The following NR1H4 variants were observed in gnomAD, a reference collection of about 807,000 sequenced individuals.
NR1H4 encodes the protein nuclear receptor subfamily 1 group H member 4.
NR1H4 carries 23 observed loss-of-function variants against 58.5 expected under a neutral mutation model. The ratio of observed to expected loss-of-function variants is 0.39; its 90% CI spans 0.28 to 0.56. NR1H4 has a LOEUF of 0.56. Among genes scored for constraint, NR1H4 ranks in the 20% least tolerant of loss-of-function variants. The probability of loss-of-function intolerance (pLI) is 0.58; values close to 1 mark genes in which losing one functional copy is unlikely to be tolerated. For missense variants in NR1H4, 487 were observed against 576.9 expected (o/e 0.84, Z 1.60); for synonymous variants, 214 against 198.0 (o/e 1.08, Z -0.68).
intron 3 of NR1H4, among the ~76,000 whole-genome samples, chr12:100,506,042 C>CACAGAG (rs1491443606): frequency 6.0e-5 from 7 of 117,514 alleles, no homozygotes; most frequent in African/African-American, 2.1e-4. Flanking sequence ...CACACACACA[C>CACAGAG]AGAGAGAGAG....
At chr12:100,559,725 G>C (rs1441594903) in intron 9 of NR1H4, among the ~76,000 whole-genome samples, 1 of 152,232 alleles carries the variant, frequency 6.6e-6, no homozygotes, top group Non-Finnish European at 1.5e-5. Context: ...CCTGCTCCAC[G>C]GCGCCCAGTC....
intron 3 of NR1H4, among the ~76,000 whole-genome samples, chr12:100,502,135 G>A (rs544941359): frequency 1.4e-4 from 21 of 152,236 alleles, no homozygotes; most frequent in African/African-American, 4.3e-4. Context: ...TAATAATCAC[G>A]TATAATTCTT....
At chr12:100,479,861 CTTATT>C (rs1953343005) in intron 1 of NR1H4, among the ~76,000 whole-genome samples, 1 of 152,190 alleles carries the variant, frequency 6.6e-6, no homozygotes, top group African/African-American at 2.4e-5. Context: ...TCTGCCTGAA[CTTATT>C]TTCCCTTTGT....
At chr12:100,502,023 C>G (rs760454794) in intron 3 of NR1H4, among the ~76,000 whole-genome samples, 9 of 152,110 alleles carry the variant, frequency 5.9e-5, no homozygotes, top group Non-Finnish European at 1.2e-4. Context: ...AATAAGCAAC[C>G]CAAGGTACAA....
At chr12:100,535,183 A>G (rs1250670274) in intron 6 of NR1H4, among the ~76,000 whole-genome samples, 160 bp downstream of exon 6, 3 of 152,254 alleles carry the variant, frequency 2.0e-5, no homozygotes, top group African/African-American at 7.2e-5. Flanking sequence ...TTTGATGTAA[A>G]CATTCAAATA....
intron 4 of NR1H4, among the ~76,000 whole-genome samples, chr12:100,521,580 C>G (rs541222954): frequency 6.6e-6 from 1 of 152,240 alleles, no homozygotes; most frequent in East Asian, 1.9e-4. Flanking sequence ...GGTAGAATTC[C>G]TAAAAGATGC....
At chr12:100,489,608 G>A (rs1005008166) in intron 1 of NR1H4, among the ~76,000 whole-genome samples, 2 of 152,030 alleles carry the variant, frequency 1.3e-5, no homozygotes, top group Admixed American at 6.6e-5. Context: ...GCAGCCGACC[G>A]GATTTGGCCT....
chr12:100,549,195 G>C (rs568294487), intron 9 of NR1H4, among the ~76,000 whole-genome samples: 1 of 151,534 alleles, frequency 6.6e-6, no homozygotes, highest in African/African-American at 2.4e-5. Context: ...AAAATTAGCC[G>C]GGCATGGTGG....
chr12:100,532,382 T>C (rs753670105), intron 4 of NR1H4, 76 bp from the exon 5 acceptor site: 16 of 1,468,144 alleles, frequency 1.1e-5, no homozygotes, highest in Non-Finnish European at 1.5e-5. Context: ...TGTCCTGGCA[T>C]CTCTCAATCC....
intron 1 of NR1H4, among the ~76,000 whole-genome samples, chr12:100,484,892 G>A (rs777812643): frequency 1.3e-5 from 2 of 152,182 alleles, no homozygotes; most frequent in African/African-American, 4.8e-5. Flanking sequence ...TTTAAGAATG[G>A]TGTGTAGCAA....
At chr12:100,532,861 A>G (rs1214289161) in intron 5 of NR1H4, among the ~76,000 whole-genome samples, 1 of 152,226 alleles carries the variant, frequency 6.6e-6, no homozygotes, top group East Asian at 1.9e-4. Flanking sequence ...GCCCAGTGGC[A>G]TTAACATACC....
intron 3 of NR1H4, among the ~76,000 whole-genome samples, chr12:100,504,727 C>T (rs1347558128): frequency 6.6e-6 from 1 of 152,196 alleles, no homozygotes; most frequent in African/African-American, 2.4e-5. Context: ...AGTTCCATGT[C>T]TTTCCCAGGT....
At chr12:100,477,115 G>T (rs539484470) in intron 1 of NR1H4, among the ~76,000 whole-genome samples, 12 of 152,036 alleles carry the variant, frequency 7.9e-5, no homozygotes, top group African/African-American at 2.9e-4. Context: ...TAACCCCTTT[G>T]CTCTTCACAG....
intron 3 of NR1H4, among the ~76,000 whole-genome samples, chr12:100,494,413 T>C (rs1953668221): frequency 6.6e-6 from 1 of 152,208 alleles, no homozygotes; most frequent in African/African-American, 2.4e-5. Flanking sequence ...ATTTCATTAA[T>C]ATTTTATTAT....
intron 9 of NR1H4, among the ~76,000 whole-genome samples, chr12:100,559,831 G>GC (rs1822329083): frequency 6.6e-6 from 1 of 152,250 alleles, no homozygotes; most frequent in East Asian, 1.9e-4. Context: ...ACTAGGTGAA[G>GC]CCAGCTGGGC....
rs185599786 is a variant in NR1H4 at position 100,559,518 on chromosome 12, C to T, written c.1079-2367C>T. ...TGGCCCCGGGTAATAAGGGACTTAG[C>T]ACCCGGGCCAGTGGCTGCGGAGGGT... On this transcript the variant is annotated intron_variant, in intron 9 of 10. Transcript: ENST00000392986. Among the ~76,000 whole-genome samples, 530 of 152,326 alleles carry T rather than the reference C, an allele frequency of 3.5e-3. 5 individuals carry two copies. The highest frequency in any genetic ancestry group is 0.012 in the African/African-American group (503 of 41,586).
intron 4 of NR1H4, among the ~76,000 whole-genome samples, chr12:100,531,860 C>T (rs1305617507): frequency 6.6e-6 from 1 of 152,068 alleles, no homozygotes; most frequent in East Asian, 1.9e-4. Flanking sequence ...TTATGCCAGG[C>T]TGGCATATAA....
At chr12:100,531,456 A>G (rs1954690581) in intron 4 of NR1H4, among the ~76,000 whole-genome samples, 1 of 152,322 alleles carries the variant, frequency 6.6e-6, no homozygotes, top group East Asian at 1.9e-4. Flanking sequence ...CTCTGTCTCA[A>G]AAAAACAAAA....
At chr12:100,501,777 T>C (rs1038616773) in intron 3 of NR1H4, among the ~76,000 whole-genome samples, 8 of 152,130 alleles carry the variant, frequency 5.3e-5, no homozygotes, top group Non-Finnish European at 1.2e-4. Context: ...CAGGCCTAAA[T>C]AGGGCATGAA....
Sources: gnomAD v4.1 joint callset for allele counts (sites outside exome capture counted in the v4.1 genomes callset) on GRCh38, gnomAD v4.1.1 for gene constraint, MANE v1.5 for transcripts, NCBI Gene and HGNC (gene_info 2026-07-23, HGNC 2026-07-21) for gene names.